Variants in OSBPL6 observed in about 807,000 individuals in gnomAD.
The protein encoded by OSBPL6 is oxysterol binding protein like 6, also known as oxysterol-binding protein-related protein 6.
Under a neutral mutation model 125.8 loss-of-function variants are expected in OSBPL6, and 49 were observed. The ratio of observed to expected loss-of-function variants is 0.39; its 90% CI spans 0.31 to 0.49. OSBPL6 has a LOEUF of 0.49. Among genes scored for constraint, OSBPL6 ranks in the 20% least tolerant of loss-of-function variants. OSBPL6 has a pLI of 0.88. For missense variants in OSBPL6, 986 were observed against 1,135.4 expected (o/e 0.87, Z 1.89); for synonymous variants, 394 against 391.8 (o/e 1.01, Z -0.07).
intron 1 of OSBPL6, among the ~76,000 whole-genome samples, chr2:178,211,165 C>T (rs904125904): frequency 2.6e-5 from 4 of 152,066 alleles, no homozygotes; most frequent in Admixed American, 1.3e-4. Flanking sequence ...CAGCTCCTCA[C>T]GAGGCTAAGG....
intron 1 of OSBPL6, among the ~76,000 whole-genome samples, chr2:178,266,159 A>G (rs2092226736): frequency 6.6e-6 from 1 of 152,202 alleles, no homozygotes. Context: ...CAAGGAAGGA[A>G]GCAGGGGCAG....
intron 1 of OSBPL6, among the ~76,000 whole-genome samples, chr2:178,244,753 A>G (rs2091430214): frequency 6.6e-6 from 1 of 152,192 alleles, no homozygotes; most frequent in Non-Finnish European, 1.5e-5. Flanking sequence ...TGAAATCACT[A>G]CTGAGACTTC....
At chr2:178,338,199 C>T (rs967368013) in intron 9 of OSBPL6, among the ~76,000 whole-genome samples, 4 of 152,102 alleles carry the variant, frequency 2.6e-5, no homozygotes, top group Admixed American at 2.6e-4. Flanking sequence ...TCCCGACGTG[C>T]TGGGATTACA....
intron 3 of OSBPL6, among the ~76,000 whole-genome samples, chr2:178,312,230 C>T (rs1687346475): frequency 1.4e-5 from 2 of 147,934 alleles, no homozygotes; most frequent in South Asian, 4.3e-4. Flanking sequence ...GGCACAATCT[C>T]GGCTCACTGC....
At position 178,309,021 on chromosome 2, in the gene OSBPL6, A is replaced by G. The variant is rs185371710; in HGVS notation, c.102+2735A>G. The stretch of plus-strand genomic sequence containing the variant: ...ATGATCTGGTCCAGGCTTGTGTTCC[A>G]TTTTCCTCCCAACCTCAACAGTCTT... On this transcript the variant is annotated intron_variant, in intron 3 of 24. Coordinates refer to ENST00000190611, the MANE Select transcript of OSBPL6 (RefSeq NM_032523.4). 1.6e-4 allele frequency among the ~76,000 whole-genome samples: 25 copies of G among 151,960 alleles called. 1 individual carries two copies. The highest frequency in any genetic ancestry group is 1.4e-3 in the Admixed American group (22 of 15,262).
chr2:178,363,895 T>G (rs1436393989), intron 13 of OSBPL6, among the ~76,000 whole-genome samples: 2 of 152,238 alleles, frequency 1.3e-5, no homozygotes, highest in African/African-American at 4.8e-5. Flanking sequence ...ATCCAGTAGA[T>G]AATTCAGTGC....
At chr2:178,356,871 G>C (rs933185456) in intron 12 of OSBPL6, among the ~76,000 whole-genome samples, 3 of 152,150 alleles carry the variant, frequency 2.0e-5, no homozygotes, top group African/African-American at 7.2e-5. Flanking sequence ...AAACAGCATG[G>C]TACTAGTACC....
chr2:178,378,819 C>T (rs148013152), intron 15 of OSBPL6, among the ~76,000 whole-genome samples: 211 of 152,242 alleles, frequency 1.4e-3, no homozygotes, highest in Non-Finnish European at 2.4e-3. Flanking sequence ...AATTCTTTTA[C>T]ACCAGTGATT....
rs1244863370 is a variant in OSBPL6 at position 178,306,250 on chromosome 2, C to T, written c.66C>T (p.Ala22=). The T allele has an allele frequency of 1.2e-6, 2 of 1,613,648 alleles. No homozygotes were observed. Among genetic ancestry groups the T allele is most frequent in the African/African-American group, 2.7e-5 (2 of 74,904 alleles). ...CATCCACTCCAACCCATAGAAGTGC[C>T]TCCTCTTCAACATCCTCCCAAAGGG... is the stretch of plus-strand genomic sequence containing the variant. ...HKTSTPTHRS[A]SSSTSSQRDS... Residue 22 remains alanine (A), a synonymous_variant, in exon 3 of 25, where the codon GCC becomes GCT. Coordinates refer to ENST00000190611, the MANE Select transcript of OSBPL6 (RefSeq NM_032523.4).
rs775970670 is a variant in OSBPL6 at position 178,336,294 on chromosome 2, G to C, written c.658-7G>C. On this transcript the variant is annotated splice_polypyrimidine_tract_variant and splice_region_variant and intron_variant, in intron 8 of 24. Coordinates refer to ENST00000190611, the MANE Select transcript of OSBPL6 (RefSeq NM_032523.4). ...ATAACCATACAATTCATCTTTGTTT[G>C]CCGTAGATGCAACCAAACAGCTTTC... 5 of 1,612,606 alleles carry C rather than the reference G, an allele frequency of 3.1e-6. No homozygotes were observed. Among genetic ancestry groups the C allele is most frequent in the Admixed American group, 1.7e-5 (1 of 59,756 alleles).
At chr2:178,326,369 A>G (rs1235302499) in intron 4 of OSBPL6, among the ~76,000 whole-genome samples, 1 of 152,186 alleles carries the variant, frequency 6.6e-6, no homozygotes, top group African/African-American at 2.4e-5. Flanking sequence ...TATTTTTAAA[A>G]CTTATAATAC....
intron 1 of OSBPL6, among the ~76,000 whole-genome samples, chr2:178,260,377 ATATGTG>A (rs537850048): frequency 7.9e-5 from 12 of 151,958 alleles, no homozygotes; most frequent in African/African-American, 2.2e-4. Flanking sequence ...ATGTATATGT[ATATGTG>A]TATGTGTATG....
chr2:178,362,677 G>A (rs917574132), intron 13 of OSBPL6, among the ~76,000 whole-genome samples: 1 of 152,014 alleles, frequency 6.6e-6, no homozygotes, highest in Non-Finnish European at 1.5e-5. Flanking sequence ...AGTTTCCCTC[G>A]GTCCCTAAAA....
At chr2:178,319,926 G>A (rs1195770099) in intron 3 of OSBPL6, among the ~76,000 whole-genome samples, 1 of 152,186 alleles carries the variant, frequency 6.6e-6, no homozygotes, top group African/African-American at 2.4e-5. Flanking sequence ...CAATTTCAAT[G>A]GAGTTAACAT....
chr2:178,394,201 C>T, intron 23 of OSBPL6, 112 bp from the exon 24 acceptor site: 2 of 1,361,074 alleles, frequency 1.5e-6, no homozygotes, highest in East Asian at 2.3e-5. Context: ...CCGTCCGTTA[C>T]TGTGCGGTAT....
chr2:178,247,395 G>T (rs1468558407), intron 1 of OSBPL6, among the ~76,000 whole-genome samples: 1 of 151,920 alleles, frequency 6.6e-6, no homozygotes, highest in Non-Finnish European at 1.5e-5. Flanking sequence ...TTTGCTTCAT[G>T]GTTTCTTGGC....
chr2:178,195,622 T>C (rs1323047393), intron 1 of OSBPL6, among the ~76,000 whole-genome samples: 2 of 152,196 alleles, frequency 1.3e-5, no homozygotes, highest in African/African-American at 4.8e-5. Flanking sequence ...CATAGAGACC[T>C]AAAGCTAGGG....
intron 1 of OSBPL6, among the ~76,000 whole-genome samples, chr2:178,207,794 T>C (rs1214758849): frequency 2.0e-5 from 3 of 152,158 alleles, no homozygotes; most frequent in African/African-American, 7.2e-5. Flanking sequence ...GGATATCAAA[T>C]GTACAAGATA....
At position 178,391,072 on chromosome 2, in the gene OSBPL6, G is replaced by C; in HGVS notation, c.2302-1G>C. 6.2e-7 allele frequency: 1 copy of C among 1,613,030 alleles called. No individual in the cohort carries two copies. Among genetic ancestry groups the C allele is most frequent in the East Asian group, 2.2e-5 (1 of 44,864 alleles). ...TCACAATTGGGGTTTGGTTTTTCCAGGTGAATTATTGGAATTCTAACATGA... is the reference window on the plus strand; with the variant it reads ...TCACAATTGGGGTTTGGTTTTTCCACGTGAATTATTGGAATTCTAACATGA... On this transcript the variant is annotated splice_acceptor_variant, in intron 21 of 24. Coordinates refer to ENST00000190611, the MANE Select transcript of OSBPL6 (RefSeq NM_032523.4). LOFTEE classifies it high-confidence loss of function.
Sources: allele counts gnomAD v4.1 joint callset (sites outside exome capture counted in the v4.1 genomes callset), GRCh38; gene constraint gnomAD v4.1.1; transcripts MANE v1.5; gene names NCBI Gene and HGNC (gene_info 2026-07-23, HGNC 2026-07-21).